The following AKT3 variants were observed in gnomAD, a reference collection of about 807,000 sequenced individuals.
AKT3 encodes the protein RAC-gamma serine/threonine-protein kinase.
AKT3 carries 15 observed loss-of-function variants against 65.3 expected under a neutral mutation model. The ratio of observed to expected loss-of-function variants is 0.23; its 90% CI spans 0.15 to 0.35. AKT3 has a LOEUF of 0.35. Ranked by LOEUF, AKT3 falls within the 10% of genes least tolerant of loss-of-function variation. The pLI is 1.00. For missense variants in AKT3, 243 were observed against 576.5 expected, an observed-to-expected ratio of 0.42 and a Z score of 5.92; for synonymous variants, 206 against 183.8, an observed-to-expected ratio of 1.12 and a Z score of -0.98.
At chr1:243,552,359 A>G (rs1410201408) in intron 11 of AKT3, among the ~76,000 whole-genome samples, 1 of 150,208 alleles carries the variant, frequency 6.7e-6, no homozygotes, top group Non-Finnish European at 1.5e-5. Flanking sequence ...GGAGGAGAGT[A>G]TTGAAAAATA....
intron 2 of AKT3, among the ~76,000 whole-genome samples, chr1:243,807,401 C>A (rs971964177): frequency 1.3e-5 from 2 of 152,234 alleles, no homozygotes; most frequent in Admixed American, 1.3e-4. Flanking sequence ...ATGCCTGGCT[C>A]GGAGGGTCCT....
intron 2 of AKT3, among the ~76,000 whole-genome samples, chr1:243,797,333 CTGTT>C (rs1421115386): frequency 6.6e-6 from 1 of 152,038 alleles, no homozygotes; most frequent in African/African-American, 2.4e-5. Context: ...TAAAATTATC[CTGTT>C]TGTTTATTAT....
intron 8 of AKT3, among the ~76,000 whole-genome samples, chr1:243,582,096 G>T (rs1246772249): frequency 1.3e-5 from 2 of 151,966 alleles, no homozygotes; most frequent in Non-Finnish European, 2.9e-5. Context: ...TGGAATTACA[G>T]AAAGTGATAA....
At chr1:243,549,364 A>G (rs1162510945) in intron 11 of AKT3, among the ~76,000 whole-genome samples, 3 of 152,102 alleles carry the variant, frequency 2.0e-5, no homozygotes, top group African/African-American at 7.2e-5. Context: ...AGTTAATCAT[A>G]ACCTCTATCA....
intron 2 of AKT3, among the ~76,000 whole-genome samples, chr1:243,696,897 T>G (rs1368720137): frequency 6.6e-6 from 1 of 152,072 alleles, no homozygotes; most frequent in Non-Finnish European, 1.5e-5. Flanking sequence ...GCTCAAAATA[T>G]CCTGTGACTC....
intron 4 of AKT3, among the ~76,000 whole-genome samples, chr1:243,654,359 GGTTT>G (rs1368282548): frequency 1.3e-5 from 2 of 152,010 alleles, no homozygotes; most frequent in East Asian, 1.9e-4. Flanking sequence ...TTTATTTATT[GGTTT>G]ATTTAAGCAT....
At chr1:243,508,981 A>T (rs771754313) in intron 13 of AKT3, among the ~76,000 whole-genome samples, 5 of 152,050 alleles carry the variant, frequency 3.3e-5, no homozygotes, top group Non-Finnish European at 5.9e-5. Context: ...CAAAAGCCAG[A>T]CTTTTGTGGT....
intron 2 of AKT3, among the ~76,000 whole-genome samples, chr1:243,835,437 T>C (rs1223403386): frequency 1.3e-5 from 2 of 152,204 alleles, no homozygotes; most frequent in African/African-American, 4.8e-5. Flanking sequence ...ACATGTTATT[T>C]ATCCATATAA....
intron 8 of AKT3, among the ~76,000 whole-genome samples, chr1:243,593,484 C>T (rs768800005): frequency 3.3e-5 from 5 of 152,078 alleles, no homozygotes; most frequent in South Asian, 2.1e-4. Context: ...GGTAAGAGTT[C>T]GAGAGCAATC....
At chr1:243,835,227 C>T (rs1694818419) in intron 2 of AKT3, among the ~76,000 whole-genome samples, 1 of 152,148 alleles carries the variant, frequency 6.6e-6, no homozygotes, top group Admixed American at 6.6e-5. Flanking sequence ...ATCCCACCCC[C>T]ACATCATTTC....
intron 8 of AKT3, among the ~76,000 whole-genome samples, chr1:243,579,656 A>G (rs1455436522): frequency 6.6e-6 from 1 of 152,202 alleles, no homozygotes; most frequent in Non-Finnish European, 1.5e-5. Context: ...TTTCTGTGCA[A>G]CATATTAAAT....
intron 13 of AKT3, 112 bp downstream of exon 13, chr1:243,512,212 T>C (rs1289975582): frequency 1.7e-6 from 1 of 592,256 alleles, no homozygotes; most frequent in East Asian, 3.0e-5. Context: ...AGTAAGTCAC[T>C]GTGGAATTTG....
At chr1:243,489,870 A>G (rs1665955555) in intron 13 of AKT3, among the ~76,000 whole-genome samples, 1 of 152,154 alleles carries the variant, frequency 6.6e-6, no homozygotes, top group Admixed American at 6.5e-5. Flanking sequence ...GGAGGAAGGA[A>G]AGTGTCCCGG....
At chr1:243,801,153 T>C (rs1692357501) in intron 2 of AKT3, among the ~76,000 whole-genome samples, 3 of 152,186 alleles carry the variant, frequency 2.0e-5, no homozygotes, top group Admixed American at 2.0e-4. Flanking sequence ...ACTAGCTTTT[T>C]AAAATATAAG....
intron 12 of AKT3, among the ~76,000 whole-genome samples, chr1:243,527,065 C>T (rs1574539933): frequency 6.6e-6 from 1 of 152,152 alleles, no homozygotes; most frequent in East Asian, 1.9e-4. Context: ...GAATCTGGGA[C>T]AGATATGAAG....
intron 2 of AKT3, among the ~76,000 whole-genome samples, chr1:243,828,923 G>A (rs1052251979): frequency 6.6e-6 from 1 of 152,070 alleles, no homozygotes; most frequent in African/African-American, 2.4e-5. Context: ...CACTTTTTTC[G>A]AGTTCCAGGT....
At chr1:243,787,257 A>G (rs1691326963) in intron 2 of AKT3, among the ~76,000 whole-genome samples, 2 of 152,228 alleles carry the variant, frequency 1.3e-5, no homozygotes. Context: ...AACAATTGTA[A>G]AAATTTTGAT....
chr1:243,621,230 CTCTT>C (rs1159383906), intron 6 of AKT3, among the ~76,000 whole-genome samples: 4 of 152,172 alleles, frequency 2.6e-5, no homozygotes, highest in Non-Finnish European at 4.4e-5. Flanking sequence ...TTATTTGTCT[CTCTT>C]TATCTCAGCC....
At chr1:243,702,899 C>A (rs1421038655) in intron 2 of AKT3, 1 of 152,044 alleles carries the variant, frequency 6.6e-6, no homozygotes, top group East Asian at 1.9e-4. Flanking sequence ...ATGTACAGTA[C>A]CATAAAAATA....
Sources: gnomAD v4.1 joint callset for allele counts (sites outside exome capture counted in the v4.1 genomes callset) on GRCh38, gnomAD v4.1.1 for gene constraint, MANE v1.5 for transcripts, NCBI Gene and HGNC (gene_info 2026-07-23, HGNC 2026-07-21) for gene names.